Variants in TFEB observed in about 807,000 individuals in gnomAD.
The protein encoded by TFEB is T-cell transcription factor EB.
In TFEB, 12 loss-of-function variants were observed where a neutral mutation model predicts 48.0. The observed-to-expected ratio is 0.25, with a 90% CI of 0.16 to 0.40. The LOEUF is 0.40. TFEB is among the 10% of genes least tolerant of loss of function. The probability of loss-of-function intolerance (pLI) is 1.00; values close to 1 mark genes in which losing one functional copy is unlikely to be tolerated. For synonymous variants in TFEB, 244 were observed against 261.4 expected, an observed-to-expected ratio of 0.93 and a Z score of 0.64; for missense variants, 509 against 640.3, an observed-to-expected ratio of 0.79 and a Z score of 2.21.
intron 1 of TFEB, among the ~76,000 whole-genome samples, chr6:41,721,409 CAT>C (rs1401204841): frequency 1.4e-5 from 2 of 148,050 alleles, no homozygotes; most frequent in Non-Finnish European, 3.0e-5. Context: ...ACACACGAAA[CAT>C]GTTCTACACA....
intron 1 of TFEB, among the ~76,000 whole-genome samples, chr6:41,709,412 A>G (rs185697780): frequency 2.0e-4 from 30 of 152,262 alleles, no homozygotes; most frequent in Admixed American, 1.3e-3. Flanking sequence ...AGTACCTGGC[A>G]CAGGATAGGT....
upstream of TFEB, chr6:41,736,192 C>T: frequency 6.2e-7 from 1 of 1,612,888 alleles, no homozygotes; most frequent in Non-Finnish European, 8.5e-7. Flanking sequence ...TGTCTGAGCT[C>T]CTTTCATGTC....
Position 41,689,714 on chromosome 6 carries a change from A to C in TFEB, c.549+17T>G, listed in dbSNP as rs1581876165. The C allele has an allele frequency of 6.2e-7, 1 of 1,609,798 alleles. No homozygotes were observed. Among genetic ancestry groups the C allele is most frequent in the South Asian group, 1.1e-5 (1 of 90,854 alleles). ...CCTAGAACCCTTGCACACCCACCCC[A>C]CCCTAGCCAGGAGTACCGTGTTGGG... On this transcript the variant is annotated intron_variant, in intron 4 of 8. Coordinates refer to ENST00000373033, the MANE Select transcript of TFEB (RefSeq NM_001271944.2).
At chr6:41,703,172 C>T (rs1770024408) in intron 1 of TFEB, among the ~76,000 whole-genome samples, 2 of 152,224 alleles carry the variant, frequency 1.3e-5, no homozygotes, top group South Asian at 4.1e-4. Flanking sequence ...TGCTAGCTGC[C>T]AGCTGCTTAG....
intron 1 of TFEB, among the ~76,000 whole-genome samples, chr6:41,729,741 G>A (rs1771373694): frequency 1.3e-5 from 2 of 152,338 alleles, no homozygotes. Context: ...GACAGGTGGA[G>A]AAATGGGAAG....
intron 1 of TFEB, chr6:41,735,089 A>T: frequency 1.0e-6 from 1 of 984,692 alleles, no homozygotes; most frequent in Non-Finnish European, 1.2e-6. Context: ...AAGGTCGCGG[A>T]GAAGCCGCCC....
At chr6:41,707,775 A>G (rs1026909024) in intron 1 of TFEB, among the ~76,000 whole-genome samples, 2 of 152,158 alleles carry the variant, frequency 1.3e-5, no homozygotes, top group Non-Finnish European at 2.9e-5. Flanking sequence ...TCCCCCACCA[A>G]AATGTCCCTG....
At chr6:41,687,689 T>C (rs1374348638) in intron 6 of TFEB, 64 bp downstream of exon 6, 8 of 1,607,094 alleles carry the variant, frequency 5.0e-6, no homozygotes, top group Non-Finnish European at 6.8e-6. Flanking sequence ...GGGAGTGGCT[T>C]TTTAGCCAGC....
At chr6:41,712,132 G>A (rs1315606777) in intron 1 of TFEB, among the ~76,000 whole-genome samples, 4 of 152,156 alleles carry the variant, frequency 2.6e-5, no homozygotes, top group African/African-American at 7.2e-5. Context: ...GAGGCACAGA[G>A]CCTGTCCTCC....
intron 1 of TFEB, among the ~76,000 whole-genome samples, chr6:41,709,316 A>C (rs1171728881): frequency 6.6e-6 from 1 of 152,224 alleles, no homozygotes; most frequent in East Asian, 1.9e-4. Context: ...TTAAATTCCC[A>C]GGGTCGCAGT....
Position 41,684,892 on chromosome 6 carries a change from G to A in TFEB, c.1138C>T (p.Pro380Ser). The A allele has an allele frequency of 6.4e-7, 1 of 1,568,578 alleles. No homozygotes were observed. The highest frequency in any genetic ancestry group is 8.6e-7 in the Non-Finnish European group (1 of 1,156,426). ...GGTGGCTGGGTGGGCAGGGGCAGCGGGGCTTGCGGGGGCAGAGCTGGCAGT... is the reference window on the plus strand; with the variant it reads ...GGTGGCTGGGTGGGCAGGGGCAGCGAGGCTTGCGGGGGCAGAGCTGGCAGT... ...EPLPALPPQA[P>S]LPLPTQPPSP... Residue 380 changes from proline to serine, a missense_variant, in exon 9 of 9, where the codon CCG becomes TCG. Around this residue, in one of 4 missense-constraint regions of TFEB, gnomAD observed 168 missense variants for 161.0 expected, o/e 1.04. Transcript: ENST00000373033.
At chr6:41,718,263 C>T (rs1318298780) in intron 1 of TFEB, among the ~76,000 whole-genome samples, 1 of 151,998 alleles carries the variant, frequency 6.6e-6, no homozygotes, top group Non-Finnish European at 1.5e-5. Context: ...GGCTAGAGTG[C>T]AGTGGAATGA....
chr6:41,702,250 G>A (rs934492516), intron 1 of TFEB, among the ~76,000 whole-genome samples: 7 of 152,110 alleles, frequency 4.6e-5, no homozygotes, highest in African/African-American at 1.7e-4. Context: ...TTGCTAAATA[G>A]CCAAGACATC....
intron 1 of TFEB, among the ~76,000 whole-genome samples, chr6:41,702,504 G>T (rs1769989046): frequency 6.6e-6 from 1 of 152,146 alleles, no homozygotes. Flanking sequence ...GGGCGATAGA[G>T]GGGTTTAGAG....
intron 3 of TFEB, 120 bp downstream of exon 3, chr6:41,690,543 C>T (rs1244232214): frequency 4.8e-6 from 6 of 1,246,574 alleles, no homozygotes; most frequent in African/African-American, 1.5e-5. Context: ...TCTGTCCCCA[C>T]CTCAGACTGA....
chr6:41,718,253 G>A (rs1470407562), intron 1 of TFEB, among the ~76,000 whole-genome samples: 1 of 152,024 alleles, frequency 6.6e-6, no homozygotes, highest in Non-Finnish European at 1.5e-5. Flanking sequence ...CTGTCACCCA[G>A]GCTAGAGTGC....
chr6:41,728,815 T>C (rs1008355418), intron 1 of TFEB, among the ~76,000 whole-genome samples: 6 of 152,040 alleles, frequency 3.9e-5, no homozygotes, highest in Non-Finnish European at 5.9e-5. Context: ...CTCAGCGCCT[T>C]GTGGACCTGT....
chr6:41,686,999 C>G, intron 7 of TFEB, 95 bp downstream of exon 7: 1 of 1,023,262 alleles, frequency 9.8e-7, no homozygotes, highest in South Asian at 1.3e-5. Flanking sequence ...AATTCTCCTC[C>G]CATCCTAGTA....
chr6:41,684,343 C>CCAAAGCTCAGGCT lies in TFEB; in HGVS notation c.*255_*256insAGCCTGAGCTTTG. ...TAGAACACCCTGCCCCTCCCTGCCC[C>CCAAAGCTCAGGCT]GCGATTCCATCTCCGGGAGAGGGGC... is the stretch of plus-strand genomic sequence containing the variant. On this transcript the variant is annotated 3_prime_UTR_variant, in exon 9 of 9. Transcript: ENST00000373033. 1 of 398,776 alleles carries CCAAAGCTCAGGCT rather than the reference C, an allele frequency of 2.5e-6. No individual in the cohort carries two copies. 24.7% of individuals were successfully genotyped at this position (398,776 alleles called of 1,614,324 possible). A position where few individuals can be genotyped will look rare whatever the true frequency, so the allele number is the denominator to read the frequency against.
Sources: allele counts gnomAD v4.1 joint callset (sites outside exome capture counted in the v4.1 genomes callset), GRCh38; gene constraint gnomAD v4.1.1; regional missense constraint gnomAD v4.1.1; transcripts MANE v1.5; gene names NCBI Gene and HGNC (gene_info 2026-07-23, HGNC 2026-07-21).